Variants in CCDC3 observed in about 807,000 individuals in gnomAD.
CCDC3 encodes coiled-coil domain-containing protein 3.
Under a neutral mutation model 21.4 loss-of-function variants are expected in CCDC3, and 24 were observed. That is an observed-to-expected ratio of 1.12 (90% confidence interval 0.81 to 1.58). The LOEUF (loss-of-function observed/expected upper bound fraction) is 1.58, where lower values mean the gene tolerates loss of function less well. Ranked by LOEUF, CCDC3 falls within the 40% of genes most tolerant of loss-of-function variation. The pLI is 0.00. For missense variants in CCDC3, 425 were observed against 360.9 expected, an observed-to-expected ratio of 1.18 and a Z score of -1.44; for synonymous variants, 186 against 166.0, an observed-to-expected ratio of 1.12 and a Z score of -0.93.
chr10:13,078,570 T>C (rs935038360), intron 3 of CCDC3, among the ~76,000 whole-genome samples: 8 of 152,226 alleles, frequency 5.3e-5, no homozygotes, highest in African/African-American at 1.9e-4. Flanking sequence ...CATATGTTTA[T>C]TGCGGCACTA....
intron 5 of CCDC3, among the ~76,000 whole-genome samples, chr10:13,018,606 G>A (rs935373830): frequency 1.3e-5 from 2 of 152,082 alleles, no homozygotes; most frequent in African/African-American, 2.4e-5. Context: ...CAGGATTTTC[G>A]TCTTAGTGGG....
At chr10:13,069,673 G>A (rs982948698) in intron 4 of CCDC3, among the ~76,000 whole-genome samples, 51 of 152,200 alleles carry the variant, frequency 3.4e-4, no homozygotes, top group African/African-American at 1.2e-3. Flanking sequence ...AAGTACATTG[G>A]ATTGCCAAAA....
intron 2 of CCDC3, among the ~76,000 whole-genome samples, chr10:12,934,136 T>G (rs1834697648): frequency 6.6e-6 from 1 of 152,254 alleles, no homozygotes; most frequent in Non-Finnish European, 1.5e-5. Flanking sequence ...GTAAGTTATA[T>G]CTTCATTTTC....
In CCDC3 at chr10:12,914,925, C is replaced by T. The variant is rs553954015; in HGVS notation, c.550-16246G>A. Among the ~76,000 whole-genome samples the T allele has an allele frequency of 3.2e-4, 49 of 152,174 alleles. 1 individual carries two copies. In the South Asian group the frequency reaches 1.0e-2, roughly 31 times the overall value. On this transcript the variant is annotated intron_variant, in intron 2 of 2. Transcript: ENST00000378825. ...TTCTTTTTGTAGTTCCTTGAGGTAA[C>T]ACTAGATGTTTACTTGGCAAGTTCT...
rs1219798416 is a variant in CCDC3 at position 12,998,327 on chromosome 10, C to A, written c.549+11G>T. On this transcript the variant is annotated intron_variant, in intron 2 of 2. Transcript: ENST00000378825. Reference sequence around the variant, plus strand: ...TGTTTTGCTGTGGCACAGGATTTAGCCAATTCTTACCCTACTGTCTTCCTG... The same window carrying A: ...TGTTTTGCTGTGGCACAGGATTTAGACAATTCTTACCCTACTGTCTTCCTG... 6.2e-7 allele frequency: 1 copy of A among 1,611,992 alleles called. No homozygotes were observed. Among genetic ancestry groups the A allele is most frequent in the East Asian group, 2.2e-5 (1 of 44,864 alleles).
chr10:13,018,234 C>T (rs1050079280), intron 5 of CCDC3, among the ~76,000 whole-genome samples: 15 of 152,054 alleles, frequency 9.9e-5, no homozygotes, highest in African/African-American at 2.4e-4. Context: ...TCTCTGGGGA[C>T]GTGGTGGAAA....
intron 5 of CCDC3, among the ~76,000 whole-genome samples, chr10:13,038,957 C>T (rs997307702): frequency 1.1e-4 from 16 of 152,136 alleles, no homozygotes; most frequent in Admixed American, 3.9e-4. Context: ...GTTCCCTTCC[C>T]GCAATCCAGA....
intron 2 of CCDC3, among the ~76,000 whole-genome samples, chr10:12,990,024 G>A (rs989958866): frequency 4.6e-5 from 7 of 151,948 alleles, no homozygotes; most frequent in Admixed American, 6.6e-5. Flanking sequence ...AGGCCGAGGC[G>A]GGCAGATCAT....
At chr10:13,097,023 G>A (rs998368374) in intron 3 of CCDC3, among the ~76,000 whole-genome samples, 1 of 152,162 alleles carries the variant, frequency 6.6e-6, no homozygotes, top group Non-Finnish European at 1.5e-5. Context: ...TCCAGCCAAC[G>A]CTCCTGAAGG....
intron 4 of CCDC3, among the ~76,000 whole-genome samples, chr10:13,050,443 T>C (rs1836589536): frequency 6.7e-6 from 1 of 149,834 alleles, no homozygotes; most frequent in African/African-American, 2.5e-5. Context: ...TAGTCATCAC[T>C]GGATTATTTA....
At chr10:13,022,742 T>A (rs1564323477) in intron 5 of CCDC3, among the ~76,000 whole-genome samples, 1 of 152,178 alleles carries the variant, frequency 6.6e-6, no homozygotes, top group Non-Finnish European at 1.5e-5. Flanking sequence ...CAACCAAATG[T>A]CCCTCCTTTC....
chr10:13,086,198 C>G (rs1357672114), intron 3 of CCDC3, among the ~76,000 whole-genome samples: 1 of 151,914 alleles, frequency 6.6e-6, no homozygotes, highest in Admixed American at 6.6e-5. Context: ...TGGAGCCAGG[C>G]CCTTTGGGGA....
At chr10:13,049,743 G>A (rs1836578803) in exon 5 of CCDC3, 2 of 152,160 alleles carry the variant, frequency 1.3e-5, no homozygotes, top group African/African-American at 4.8e-5. Context: ...CACAGAGAAG[G>A]CTGCCCAGAA....
Position 13,032,334 on chromosome 10 carries a change from C to T in CCDC3, c.-2+17340G>A, listed in dbSNP as rs190473647. Among the ~76,000 whole-genome samples, 144 of 152,222 alleles carry T rather than the reference C, an allele frequency of 9.5e-4. 1 individual carries two copies. The highest frequency in any genetic ancestry group is 3.2e-3 in the African/African-American group (135 of 41,540). On this transcript the variant is annotated intron_variant, in intron 5 of 6. Coordinates refer to the CCDC3 transcript ENST00000378839. ...CTCAATAAACTAGGTATTGATGGGA[C>T]GTATCTCAAAATAATAAGAGTTATT...
rs894895354 is a variant in CCDC3 at position 12,923,967 on chromosome 10, G to A, written c.550-25288C>T. On this transcript the variant is annotated intron_variant, in intron 2 of 2. Coordinates refer to ENST00000378825, the MANE Select transcript of CCDC3 (RefSeq NM_031455.4). ...CTTTGCAATGAAGCCAGGGGTGAAC[G>A]GAACTTCACCTTTGATAGGTGAATG... Among the ~76,000 whole-genome samples, 8 of 152,096 alleles carry A rather than the reference G, an allele frequency of 5.3e-5. No homozygotes were observed. In the East Asian group the frequency reaches 9.6e-4, roughly 18 times the overall value.
chr10:13,000,849 G>GT (rs915443461), intron 1 of CCDC3, among the ~76,000 whole-genome samples: 1 of 152,164 alleles, frequency 6.6e-6, no homozygotes, highest in African/African-American at 2.4e-5. Context: ...TTCAAAGATT[G>GT]TTTTTCTCAC....
chr10:12,972,069 G>GA (rs1589026435), intron 2 of CCDC3, among the ~76,000 whole-genome samples: 1 of 152,146 alleles, frequency 6.6e-6, no homozygotes, highest in South Asian at 2.1e-4. Flanking sequence ...CCTGTGCTGG[G>GA]AGCCTGGACT....
chr10:12,929,679 G>A (rs1266808035), intron 2 of CCDC3, among the ~76,000 whole-genome samples: 3 of 152,094 alleles, frequency 2.0e-5, no homozygotes, highest in African/African-American at 7.2e-5. Context: ...CTTCCACATG[G>A]GTCCAGCAGG....
At chr10:13,081,680 C>T (rs74119413) in intron 3 of CCDC3, among the ~76,000 whole-genome samples, 4,833 of 152,266 alleles carry the variant, frequency 0.032, 243 homozygotes, top group African/African-American at 0.11. Context: ...GTTATCACTC[C>T]TCCCAGACAC....
Sources: allele counts gnomAD v4.1 joint callset (sites outside exome capture counted in the v4.1 genomes callset), GRCh38; gene constraint gnomAD v4.1.1; transcripts MANE v1.5; gene names NCBI Gene and HGNC (gene_info 2026-07-23, HGNC 2026-07-21).